Variants in TNRC6A observed in about 807,000 individuals in gnomAD.
The protein encoded by TNRC6A is trinucleotide repeat-containing gene 6A protein.
A neutral mutation model predicts 221.2 loss-of-function variants in TNRC6A; 44 were observed. The observed-to-expected ratio is 0.20, with a 90% CI of 0.16 to 0.26. The LOEUF is 0.26. TNRC6A is among the 10% of genes least tolerant of loss of function. The pLI, the probability that TNRC6A is intolerant of heterozygous loss-of-function variation, is 1.00. For missense variants in TNRC6A, 2,199 were observed against 2,404.4 expected (o/e 0.91, Z 1.79); for synonymous variants, 847 against 838.5 (o/e 1.01, Z -0.18).
intron 11 of TNRC6A, among the ~76,000 whole-genome samples, chr16:24,802,718 T>C (rs564746679): frequency 6.6e-6 from 1 of 152,202 alleles, no homozygotes; most frequent in African/African-American, 2.4e-5. Context: ...GAAAGCAAGT[T>C]TACAGAGAGA....
chr16:24,823,538 T>C lies in TNRC6A; in HGVS notation c.5620T>C (p.Ser1874Pro), dbSNP rs1596849975. The C allele has an allele frequency of 1.2e-6, 2 of 1,614,168 alleles. No individual in the cohort carries two copies. Residue 1874 changes from serine to proline, a missense_variant, in exon 25 of 25, where the codon TCT becomes CCT. Physicochemically the swap from Ser to Pro is moderately conservative, Grantham distance 74. Coordinates refer to ENST00000395799, the MANE Select transcript of TNRC6A (RefSeq NM_014494.4). This position sits in a 1 kb window ranked among gnomAD's most constrained non-coding sequence, Gnocchi z 4.3. ...QSLTPSPGWQ[S>P]LGSSQSRLGS... The stretch of plus-strand genomic sequence containing the variant: ...TCTGACCCCTTCTCCCGGCTGGCAG[T>C]CTCTCGGGTCCAGCCAGAGCCGGCT...
At chr16:24,625,694 CCGCAG>C in intron 1 of TNRC6A, among the ~76,000 whole-genome samples, 1 of 143,890 alleles carries the variant, frequency 6.9e-6, no homozygotes, top group Non-Finnish European at 1.5e-5. Flanking sequence ...CCACTGCAGT[CCGCAG>C]TCCGGCCTGG....
intron 5 of TNRC6A, among the ~76,000 whole-genome samples, chr16:24,782,404 C>T (rs71391576): frequency 0.011 from 1,615 of 152,216 alleles, 19 homozygotes; most frequent in Middle Eastern, 0.02. Context: ...GTACCTACAC[C>T]CATTCATTTA....
chr16:24,730,328 G>C, intron 2 of TNRC6A, 28 bp downstream of exon 2: 1 of 1,600,208 alleles, frequency 6.2e-7, no homozygotes, highest in Non-Finnish European at 8.5e-7. Context: ...TCCGTCTCCC[G>C]CCCCACGATA....
chr16:24,751,303 CATAAT>C (rs67331579), intron 3 of TNRC6A, among the ~76,000 whole-genome samples: 2,696 of 152,202 alleles, frequency 0.018, 33 homozygotes, highest in Non-Finnish European at 0.028. Flanking sequence ...ATGTAATAGA[CATAAT>C]AGGAAGTAAA....
chr16:24,816,487 TAGAG>T (rs2058661705), intron 19 of TNRC6A: 2 of 203,174 alleles, frequency 9.8e-6, no homozygotes, highest in South Asian at 8.7e-5. Flanking sequence ...ACCTGGGTGA[TAGAG>T]AAAGACCCTG....
intron 7 of TNRC6A, among the ~76,000 whole-genome samples, chr16:24,794,060 A>G (rs1036530594): frequency 3.9e-5 from 6 of 152,182 alleles, no homozygotes; most frequent in Non-Finnish European, 8.8e-5. Context: ...CCAAGATTGA[A>G]ATTAACATTG....
intron 1 of TNRC6A, among the ~76,000 whole-genome samples, chr16:24,621,623 G>A (rs1020686193): frequency 3.9e-5 from 6 of 152,062 alleles, no homozygotes; most frequent in Admixed American, 1.3e-4. Flanking sequence ...CTCCCAAAGT[G>A]CTGGGATTAC....
At chr16:24,711,077 G>A (rs138282377) in intron 2 of TNRC6A, among the ~76,000 whole-genome samples, 7,614 of 152,022 alleles carry the variant, frequency 0.05, 291 homozygotes, top group Middle Eastern at 0.075. Context: ...GGGTTTCACC[G>A]TGTTAGCCAG....
At chr16:24,718,116 TTAA>T (rs1260723860) in intron 2 of TNRC6A, among the ~76,000 whole-genome samples, 1 of 152,070 alleles carries the variant, frequency 6.6e-6, no homozygotes, top group Non-Finnish European at 1.5e-5. Context: ...AATTCCAAAC[TTAA>T]TACTTCCCAG....
Position 24,627,899 on chromosome 16 carries a change from G to T in TNRC6A, n.277-12985G>T, listed in dbSNP as rs533190006. On this transcript the variant is annotated intron_variant and non_coding_transcript_variant, in intron 1 of 2. Coordinates refer to the TNRC6A transcript ENST00000566108. Reference sequence around the variant, plus strand: ...TTTTTAGTAGAGATGGGGTTTCATCGTGTTGGCCAGGCTGGTCTCGAACTC... The same window carrying T: ...TTTTTAGTAGAGATGGGGTTTCATCTTGTTGGCCAGGCTGGTCTCGAACTC... Among the ~76,000 whole-genome samples, 4 of 150,336 alleles carry T rather than the reference G, an allele frequency of 2.7e-5. No homozygotes were observed. The East Asian group carries it at 8.0e-4, about 30-fold the overall frequency.
chr16:24,815,019 T>C, intron 18 of TNRC6A, 128 bp from the exon 19 acceptor site: 1 of 957,270 alleles, frequency 1.0e-6, no homozygotes, highest in Non-Finnish European at 1.5e-6. Context: ...TATAAAAGAG[T>C]TACTCTAGAG....
intron 2 of TNRC6A, among the ~76,000 whole-genome samples, chr16:24,737,704 T>G (rs968284435): frequency 5.9e-5 from 9 of 152,248 alleles, no homozygotes; most frequent in African/African-American, 2.2e-4. Flanking sequence ...GTTGTTTTGC[T>G]GTTCTTATTA....
intron 2 of TNRC6A, among the ~76,000 whole-genome samples, chr16:24,646,414 T>A (rs1902290580): frequency 6.6e-6 from 1 of 152,202 alleles, no homozygotes; most frequent in Admixed American, 6.5e-5. Flanking sequence ...CTGGTGGTGA[T>A]TCACAGCATT....
At chr16:24,788,809 C>T (rs539039097) in intron 5 of TNRC6A, among the ~76,000 whole-genome samples, 21 of 152,116 alleles carry the variant, frequency 1.4e-4, no homozygotes, top group African/African-American at 2.4e-4. Context: ...CCACCATGCC[C>T]GGCTAATTTT....
intron 5 of TNRC6A, among the ~76,000 whole-genome samples, chr16:24,788,679 C>T (rs1286685214): frequency 2.1e-4 from 31 of 147,104 alleles, no homozygotes; most frequent in African/African-American, 7.3e-4. Flanking sequence ...GACGGAGTCT[C>T]GCTCTGTCAC....
At chr16:24,673,585 G>A (rs1049546267) in intron 2 of TNRC6A, among the ~76,000 whole-genome samples, 1 of 152,202 alleles carries the variant, frequency 6.6e-6, no homozygotes, top group Admixed American at 6.5e-5. Context: ...TTTTGAGACA[G>A]GGTCTCACTC....
rs1466480372 is a variant in TNRC6A at position 24,790,024 on chromosome 16, C to T, written c.1382C>T (p.Thr461Ile). Residue 461 changes from threonine (T) to isoleucine (I), a missense_variant, in exon 6 of 25, where the codon ACC (threonine) becomes ATC (isoleucine). Coordinates refer to ENST00000395799, the MANE Select transcript of TNRC6A (RefSeq NM_014494.4). ...CCAAATAACACTACTAACTTTATGA[C>T]CTCTAGTTTACCAAACTCCGGTTCA... Reference protein sequence around the residue: ...TGPNNTTNFMTSSLPNSGSVQ... With the variant: ...TGPNNTTNFMISSLPNSGSVQ... 6 of 1,614,096 alleles carry T rather than the reference C, an allele frequency of 3.7e-6. No individual in the cohort carries two copies. Among genetic ancestry groups the T allele is most frequent in the Admixed American group, 1.7e-5 (1 of 59,992 alleles).
chr16:24,684,469 C>T (rs1253492412), intron 2 of TNRC6A, among the ~76,000 whole-genome samples: 2 of 151,860 alleles, frequency 1.3e-5, no homozygotes, highest in African/African-American at 4.8e-5. Flanking sequence ...CTAATTTTTA[C>T]ATGTCACAAA....
Sources: gnomAD v4.1 joint callset for allele counts (sites outside exome capture counted in the v4.1 genomes callset) on GRCh38, gnomAD v4.1.1 for gene constraint, Gnocchi (gnomAD v3.1) non-coding constraint, MANE v1.5 for transcripts, NCBI Gene and HGNC (gene_info 2026-07-23, HGNC 2026-07-21) for gene names.